Variants in SETBP1 observed in about 807,000 individuals in gnomAD.
The protein encoded by SETBP1 is SET binding protein 1.
A neutral mutation model predicts 101.0 loss-of-function variants in SETBP1; 9 were observed. That is an observed-to-expected ratio of 0.09 (90% CI 0.05 to 0.16). The LOEUF (loss-of-function observed/expected upper bound fraction) is 0.16, where lower values mean the gene tolerates loss of function less well. Ranked by LOEUF, SETBP1 falls within the 10% of genes least tolerant of loss-of-function variation. SETBP1 has a pLI of 1.00. For synonymous variants in SETBP1, 818 were observed against 788.5 expected, an observed-to-expected ratio of 1.04 and a Z score of -0.63; for missense variants, 1,858 against 2,033.8, an observed-to-expected ratio of 0.91 and a Z score of 1.66.
At chr18:44,903,288 A>C (rs1164500272) in intron 3 of SETBP1, among the ~76,000 whole-genome samples, 1 of 152,192 alleles carries the variant, frequency 6.6e-6, no homozygotes, top group African/African-American at 2.4e-5. Flanking sequence ...GTGCCTCTCC[A>C]ACATGCATAC....
chr18:44,976,541 C>T (rs889362366), intron 4 of SETBP1, among the ~76,000 whole-genome samples: 2 of 152,172 alleles, frequency 1.3e-5, no homozygotes, highest in East Asian at 1.9e-4. Flanking sequence ...TGAGCCATCC[C>T]GTGTTTGGGG....
chr18:44,934,147 T>C (rs2070904288), intron 3 of SETBP1, among the ~76,000 whole-genome samples: 1 of 112,478 alleles, frequency 8.9e-6, no homozygotes, highest in Admixed American at 9.2e-5. Flanking sequence ...TGTTTTCCCT[T>C]TTTTTTTTTT....
chr18:44,847,336 C>A (rs1420673579), intron 2 of SETBP1, among the ~76,000 whole-genome samples: 1 of 152,172 alleles, frequency 6.6e-6, no homozygotes, highest in African/African-American at 2.4e-5. Context: ...TGCCACGGTG[C>A]CTGGATGGTT....
At chr18:44,828,275 G>A (rs559467116) in intron 2 of SETBP1, among the ~76,000 whole-genome samples, 3 of 152,244 alleles carry the variant, frequency 2.0e-5, no homozygotes, top group African/African-American at 7.2e-5. Context: ...GTTGAAATGC[G>A]GTGAAACAGG....
At chr18:44,755,000 G>A (rs1277490944) in intron 2 of SETBP1, among the ~76,000 whole-genome samples, 1 of 152,114 alleles carries the variant, frequency 6.6e-6, no homozygotes, top group Non-Finnish European at 1.5e-5. Flanking sequence ...CAAATTTCTG[G>A]AATCTATCTC....
At chr18:44,704,130 A>T (rs1265824515) in intron 2 of SETBP1, among the ~76,000 whole-genome samples, 19 of 152,176 alleles carry the variant, frequency 1.2e-4, no homozygotes, top group Admixed American at 1.2e-3. Flanking sequence ...ATTGTTCCCA[A>T]ATATAGCTTT....
At chr18:45,006,240 C>T (rs1468180590) in intron 4 of SETBP1, among the ~76,000 whole-genome samples, 1 of 152,156 alleles carries the variant, frequency 6.6e-6, no homozygotes, top group African/African-American at 2.4e-5. Context: ...GCGTGAGCCA[C>T]CATGCCCAGC....
intron 4 of SETBP1, among the ~76,000 whole-genome samples, chr18:45,038,195 A>G (rs79427014): frequency 1.3e-5 from 2 of 152,248 alleles, no homozygotes; most frequent in East Asian, 3.9e-4. Context: ...GTACATCCTC[A>G]AAAGGCAAAG....
chr18:45,029,417 T>C, intron 4 of SETBP1, among the ~76,000 whole-genome samples: 1 of 152,134 alleles, frequency 6.6e-6, no homozygotes, highest in East Asian at 1.9e-4. Context: ...TACTGTAGCC[T>C]TGTAGTATAG....
chr18:44,799,153 A>G (rs899749774), intron 2 of SETBP1, among the ~76,000 whole-genome samples: 1 of 152,222 alleles, frequency 6.6e-6, no homozygotes, highest in African/African-American at 2.4e-5. Context: ...GAACAGAATT[A>G]TGACTGTCAT....
chr18:44,746,702 G>T (rs1338512647), intron 2 of SETBP1, among the ~76,000 whole-genome samples: 1 of 152,214 alleles, frequency 6.6e-6, no homozygotes, highest in East Asian at 1.9e-4. Flanking sequence ...GGAACTATCA[G>T]TTTAGAAATA....
intron 3 of SETBP1, among the ~76,000 whole-genome samples, chr18:44,904,641 C>A (rs2144848387): frequency 1.3e-5 from 2 of 152,208 alleles, no homozygotes; most frequent in South Asian, 4.1e-4. Context: ...TTAAAAAGAC[C>A]TGGTCATCTG....
At position 45,066,323 on chromosome 18, in the gene SETBP1, G is replaced by A. The variant is rs1385987584; in HGVS notation, c.*2625G>A. ...CTTGTATGACCCTAGGAATAGATTG[G>A]AATACTGCAGAGGACCAAAGCTGAG... On this transcript the variant is annotated 3_prime_UTR_variant, in exon 6 of 6. Transcript: ENST00000649279. The A allele has an allele frequency of 6.6e-6, 1 of 152,148 alleles. No homozygotes were observed. Among genetic ancestry groups the A allele is most frequent in the African/African-American group, 2.4e-5 (1 of 41,416 alleles). 9.4% of individuals were successfully genotyped at this position (152,148 alleles called of 1,614,324 possible).
chr18:44,803,077 CGG>C (rs1032445512), intron 2 of SETBP1, among the ~76,000 whole-genome samples: 5 of 151,984 alleles, frequency 3.3e-5, no homozygotes, highest in African/African-American at 1.2e-4. Context: ...GAGAAGGTCT[CGG>C]GAGAGAACAC....
At chr18:44,832,254 T>C (rs1232420125) in intron 2 of SETBP1, among the ~76,000 whole-genome samples, 1 of 152,212 alleles carries the variant, frequency 6.6e-6, no homozygotes, top group East Asian at 1.9e-4. Flanking sequence ...ACTGACCAGT[T>C]ATACCCTGGT....
At chr18:45,027,376 T>C (rs2073188212) in intron 4 of SETBP1, among the ~76,000 whole-genome samples, 1 of 152,172 alleles carries the variant, frequency 6.6e-6, no homozygotes, top group African/African-American at 2.4e-5. Context: ...TTGTCCAAGT[T>C]CATCTAACTA....
intron 4 of SETBP1, among the ~76,000 whole-genome samples, chr18:44,975,608 A>G (rs1203121844): frequency 2.0e-5 from 3 of 152,234 alleles, no homozygotes. Context: ...TCTGTGAAAA[A>G]AAAGAGTTTG....
intron 2 of SETBP1, among the ~76,000 whole-genome samples, chr18:44,816,006 T>TA (rs1212392993): frequency 1.3e-5 from 2 of 152,148 alleles, no homozygotes; most frequent in African/African-American, 4.8e-5. Flanking sequence ...TGCTGAACAA[T>TA]AGTGATTTGA....
chr18:44,757,123 G>T (rs2070514735), intron 2 of SETBP1, among the ~76,000 whole-genome samples: 2 of 152,020 alleles, frequency 1.3e-5, no homozygotes, highest in South Asian at 2.1e-4. Context: ...TTGTTAGGAT[G>T]AGCCCCTATG....
Sources: allele counts gnomAD v4.1 joint callset (sites outside exome capture counted in the v4.1 genomes callset), GRCh38; gene constraint gnomAD v4.1.1; transcripts MANE v1.5; gene names NCBI Gene and HGNC (gene_info 2026-07-23, HGNC 2026-07-21).